RSU1: variants seen among roughly 807,000 people sequenced by gnomAD.
RSU1 encodes Ras suppressor protein 1, also known as rsu-1.
Under a neutral mutation model 31.1 loss-of-function variants are expected in RSU1, and 26 were observed. The ratio of observed to expected loss-of-function variants is 0.84; its 90% confidence interval spans 0.61 to 1.16. The LOEUF is 1.16. Ranked by LOEUF, RSU1 falls within the 50% of genes most tolerant of loss-of-function variation. RSU1 has a pLI of 0.00. For missense variants in RSU1, 320 were observed against 339.1 expected (o/e 0.94, Z 0.44); for synonymous variants, 164 against 136.3 (o/e 1.20, Z -1.41).
At chr10:16,696,571 C>T (rs555963696) in intron 7 of RSU1, among the ~76,000 whole-genome samples, 2 of 152,260 alleles carry the variant, frequency 1.3e-5, no homozygotes, top group East Asian at 3.9e-4. Context: ...CATCATGTTT[C>T]CAAAGCTACT....
chr10:16,677,760 T>G (rs1030008541), intron 8 of RSU1, among the ~76,000 whole-genome samples: 2 of 152,214 alleles, frequency 1.3e-5, no homozygotes, highest in Non-Finnish European at 2.9e-5. Flanking sequence ...TTATAAGTAT[T>G]TCAAAACAAA....
At chr10:16,749,540 C>T (rs1564343164) in intron 7 of RSU1, among the ~76,000 whole-genome samples, 2 of 152,198 alleles carry the variant, frequency 1.3e-5, no homozygotes, top group South Asian at 4.1e-4. Flanking sequence ...GCATAAGCTT[C>T]ATATGCATCA....
chr10:16,684,889 C>T lies in RSU1; in HGVS notation c.731+10134G>A, dbSNP rs184439714. Among the ~76,000 whole-genome samples the T allele has an allele frequency of 3.2e-3, 491 of 152,270 alleles. 4 individuals are homozygous for T. The highest frequency in any genetic ancestry group is 0.011 in the African/African-American group (474 of 41,544). ...TAATTTAATTTCCAAATAGACACTA[C>T]CTAATTGGATAGAGAATATAAAGTA... On this transcript the variant is annotated intron_variant, in intron 8 of 8. Coordinates refer to ENST00000345264, the MANE Select transcript of RSU1 (RefSeq NM_012425.4).
intron 7 of RSU1, among the ~76,000 whole-genome samples, chr10:16,738,121 G>A (rs946352934): frequency 5.9e-5 from 9 of 152,106 alleles, no homozygotes; most frequent in South Asian, 2.1e-4. Flanking sequence ...CTAAAACAAC[G>A]GAGAAAAACT....
intron 7 of RSU1, among the ~76,000 whole-genome samples, chr10:16,729,120 G>A (rs1441138556): frequency 6.6e-6 from 1 of 152,096 alleles, no homozygotes; most frequent in Non-Finnish European, 1.5e-5. Context: ...ATTTTTCTAG[G>A]CCTCAAAATA....
chr10:16,692,346 A>T (rs1171341846), intron 8 of RSU1, among the ~76,000 whole-genome samples: 2 of 152,192 alleles, frequency 1.3e-5, no homozygotes, highest in African/African-American at 2.4e-5. Flanking sequence ...AGAAACTCAC[A>T]ATTTAATCTT....
intron 2 of RSU1, among the ~76,000 whole-genome samples, chr10:16,814,477 A>T (rs1838485443): frequency 6.6e-6 from 1 of 151,840 alleles, no homozygotes; most frequent in Non-Finnish European, 1.5e-5. Flanking sequence ...AAGAAAAAAA[A>T]ATTCTTACAC....
At chr10:16,671,689 G>A (rs113430016) in intron 8 of RSU1, among the ~76,000 whole-genome samples, 14,400 of 151,646 alleles carry the variant, frequency 0.095, 1,303 homozygotes, top group African/African-American at 0.23. Context: ...GCAGTGGCGC[G>A]ATTTTGGCTC....
At chr10:16,798,996 T>C (rs1838095214) in intron 2 of RSU1, among the ~76,000 whole-genome samples, 1 of 152,192 alleles carries the variant, frequency 6.6e-6, no homozygotes, top group Non-Finnish European at 1.5e-5. Flanking sequence ...CTGAGGAATA[T>C]TCCAGAGTAT....
chr10:16,701,540 T>A (rs1216110664), intron 7 of RSU1, among the ~76,000 whole-genome samples: 2 of 152,314 alleles, frequency 1.3e-5, no homozygotes, highest in African/African-American at 2.4e-5. Context: ...AATGCATGCA[T>A]TGCATTGCTG....
chr10:16,630,782 A>G (rs1165205859), intron 8 of RSU1, among the ~76,000 whole-genome samples: 1 of 152,222 alleles, frequency 6.6e-6, no homozygotes, highest in Non-Finnish European at 1.5e-5. Flanking sequence ...AAGGCAAATT[A>G]GATAATCAAA....
chr10:16,792,675 T>C (rs1467375755), intron 2 of RSU1, among the ~76,000 whole-genome samples: 1 of 152,256 alleles, frequency 6.6e-6, no homozygotes. Context: ...AGTTGCACTG[T>C]AGACAGAACC....
chr10:16,754,905 G>A lies in RSU1; in HGVS notation c.366C>T (p.Ser122=), dbSNP rs758134528. 19 of 1,612,188 alleles carry A rather than the reference G, an allele frequency of 1.2e-5. No individual in the cohort carries two copies. Among genetic ancestry groups the A allele is most frequent in the East Asian group, 4.5e-5 (2 of 44,784 alleles). Residue 122 remains serine, a synonymous_variant, in exon 5 of 9, where the codon AGC becomes AGT. Transcript: ENST00000345264. ...AGAAGTTTCCAGGAAGAGAATTTTC[G>A]CTCAAGTTGTTGTACGTCAAGTCCA... The part of the protein sequence containing the change: ...EVLDLTYNNL[S]ENSLPGNFFY...
chr10:16,744,500 T>C (rs1428262625), intron 7 of RSU1, among the ~76,000 whole-genome samples: 1 of 152,176 alleles, frequency 6.6e-6, no homozygotes, highest in Non-Finnish European at 1.5e-5. Flanking sequence ...AGAGAGGTAG[T>C]TTAAGATCTT....
intron 2 of RSU1, among the ~76,000 whole-genome samples, chr10:16,816,523 TACTC>T (rs776004121): frequency 2.0e-5 from 3 of 152,112 alleles, no homozygotes; most frequent in Non-Finnish European, 4.4e-5. Flanking sequence ...GGAGAATAAA[TACTC>T]AGAAGAATGT....
chr10:16,616,881 T>G (rs1053820011), intron 8 of RSU1, among the ~76,000 whole-genome samples: 2 of 152,202 alleles, frequency 1.3e-5, no homozygotes, highest in Non-Finnish European at 2.9e-5. Context: ...AAGATCTGTT[T>G]ATGACAAACT....
chr10:16,795,272 T>C (rs1838005524), intron 2 of RSU1, among the ~76,000 whole-genome samples: 1 of 147,044 alleles, frequency 6.8e-6, no homozygotes, highest in Non-Finnish European at 1.5e-5. Flanking sequence ...GAGAATTGCT[T>C]GAACCCAGGA....
chr10:16,624,295 T>A (rs918556155), intron 8 of RSU1, among the ~76,000 whole-genome samples: 6 of 151,614 alleles, frequency 4.0e-5, no homozygotes, highest in African/African-American at 1.5e-4. Flanking sequence ...AGGGCTGGAG[T>A]AGACATCCCA....
At chr10:16,722,865 T>C (rs1007691867) in intron 7 of RSU1, among the ~76,000 whole-genome samples, 1 of 143,912 alleles carries the variant, frequency 6.9e-6, no homozygotes, top group Admixed American at 7.1e-5. Flanking sequence ...TATATACATA[T>C]ATGTATATAT....
Sources: gnomAD v4.1 joint callset for allele counts (sites outside exome capture counted in the v4.1 genomes callset) on GRCh38, gnomAD v4.1.1 for gene constraint, MANE v1.5 for transcripts, NCBI Gene and HGNC (gene_info 2026-07-23, HGNC 2026-07-21) for gene names.